PAMR1: variants seen among roughly 807,000 people sequenced by gnomAD.
The protein encoded by PAMR1 is peptidase domain containing associated with muscle regeneration 1.
A neutral mutation model predicts 81.8 loss-of-function variants in PAMR1; 88 were observed. The observed-to-expected ratio is 1.08, with a 90% CI of 0.91 to 1.28. PAMR1 has a LOEUF of 1.28. Ranked by LOEUF, PAMR1 falls within the 50% of genes most tolerant of loss-of-function variation. The pLI is 0.00. For missense variants in PAMR1, 935 were observed against 919.7 expected (o/e 1.02, Z -0.21); for synonymous variants, 336 against 345.3 (o/e 0.97, Z 0.30).
intron 3 of PAMR1, among the ~76,000 whole-genome samples, chr11:35,490,373 C>T (rs1850597329): frequency 6.6e-6 from 1 of 152,216 alleles, no homozygotes; most frequent in African/African-American, 2.4e-5. Context: ...AGAGAAAGAG[C>T]ACTCTTCCAT....
At chr11:35,504,518 T>C (rs1228728162) in intron 1 of PAMR1, among the ~76,000 whole-genome samples, 1 of 152,116 alleles carries the variant, frequency 6.6e-6, no homozygotes, top group African/African-American at 2.4e-5. Flanking sequence ...CCTGGGCTTT[T>C]CTTTGATGGG....
intron 1 of PAMR1, among the ~76,000 whole-genome samples, chr11:35,504,359 G>A (rs757279023): frequency 8.6e-5 from 13 of 151,938 alleles, no homozygotes; most frequent in Admixed American, 2.0e-4. Context: ...TTCTATCCTC[G>A]TCTGGTTTTG....
intron 1 of PAMR1, among the ~76,000 whole-genome samples, chr11:35,508,912 T>C (rs1229633204): frequency 1.3e-5 from 2 of 152,214 alleles, no homozygotes; most frequent in Non-Finnish European, 2.9e-5. Flanking sequence ...TATTCCATTG[T>C]GTATATGTAC....
At chr11:35,492,335 A>T (rs528397886) in intron 2 of PAMR1, among the ~76,000 whole-genome samples, 162 bp from the exon 3 acceptor site, 2 of 152,330 alleles carry the variant, frequency 1.3e-5, no homozygotes, top group East Asian at 3.9e-4. Context: ...CATCTCAAGG[A>T]AACTGCTAGA....
At chr11:35,459,874 T>A (rs576976181) in intron 6 of PAMR1, among the ~76,000 whole-genome samples, 7 of 152,322 alleles carry the variant, frequency 4.6e-5, no homozygotes, top group Non-Finnish European at 8.8e-5. Flanking sequence ...ATTTCCCCAG[T>A]GCCTGGTACC....
chr11:35,474,351 CTG>C (rs1332494203), intron 4 of PAMR1, among the ~76,000 whole-genome samples: 1 of 152,226 alleles, frequency 6.6e-6, no homozygotes, highest in South Asian at 2.1e-4. Flanking sequence ...GTAGGAAACA[CTG>C]TTTAAGATTT....
intron 1 of PAMR1, among the ~76,000 whole-genome samples, chr11:35,524,645 C>G (rs377735102): frequency 6.9e-4 from 105 of 152,284 alleles, no homozygotes; most frequent in African/African-American, 2.5e-3. Context: ...TCTCGGCCTG[C>G]CCTCATCTCA....
At chr11:35,498,751 T>C (rs1304844950) in intron 1 of PAMR1, among the ~76,000 whole-genome samples, 1 of 152,174 alleles carries the variant, frequency 6.6e-6, no homozygotes, top group Non-Finnish European at 1.5e-5. Context: ...CACCAAGCTC[T>C]GGCCCACCTT....
chr11:35,462,443 T>G (rs1183352322), intron 6 of PAMR1, among the ~76,000 whole-genome samples: 1 of 152,172 alleles, frequency 6.6e-6, no homozygotes, highest in Non-Finnish European at 1.5e-5. Flanking sequence ...GTGGCAATAT[T>G]TAGTGTTTAG....
At chr11:35,434,937 C>G in intron 9 of PAMR1, 133 bp from the exon 10 acceptor site, 1 of 793,552 alleles carries the variant, frequency 1.3e-6, no homozygotes, top group African/African-American at 1.7e-5. Flanking sequence ...GATAAGTAAC[C>G]CAGTTTTCTT....
At chr11:35,525,725 C>T (rs902522592), upstream of PAMR1, 2 of 690,930 alleles carry the variant, frequency 2.9e-6, no homozygotes, top group Admixed American at 4.4e-5. Flanking sequence ...CAGGCTCTCC[C>T]ATCCTCATCT....
chr11:35,494,934 T>C (rs1330986526), intron 1 of PAMR1, among the ~76,000 whole-genome samples: 1 of 152,250 alleles, frequency 6.6e-6, no homozygotes. Flanking sequence ...AGCACACATC[T>C]CTTAGGTGTC....
intron 6 of PAMR1, among the ~76,000 whole-genome samples, chr11:35,462,187 A>G (rs567029108): frequency 3.8e-4 from 58 of 152,362 alleles, no homozygotes; most frequent in Non-Finnish European, 6.8e-4. Context: ...GAGGCTGGCC[A>G]GATAACATGA....
intron 1 of PAMR1, among the ~76,000 whole-genome samples, chr11:35,517,767 A>C (rs796880425): frequency 7.2e-5 from 11 of 152,360 alleles, no homozygotes; most frequent in African/African-American, 2.6e-4. Flanking sequence ...AGTAGATTGC[A>C]AGTGCCTTCA....
chr11:35,460,801 T>C (rs1261063768), intron 6 of PAMR1, among the ~76,000 whole-genome samples: 2 of 152,182 alleles, frequency 1.3e-5, no homozygotes, highest in Non-Finnish European at 2.9e-5. Context: ...GTGTGCATCT[T>C]TATAGCAGCA....
intron 1 of PAMR1, among the ~76,000 whole-genome samples, chr11:35,510,045 C>A (rs987484935): frequency 6.6e-6 from 1 of 152,220 alleles, no homozygotes; most frequent in African/African-American, 2.4e-5. Context: ...CAAAATCAAG[C>A]TTAGGGAGTT....
At chr11:35,514,214 A>G (rs551552249) in intron 1 of PAMR1, among the ~76,000 whole-genome samples, 2 of 152,354 alleles carry the variant, frequency 1.3e-5, no homozygotes, top group African/African-American at 4.8e-5. Context: ...CAATGAGCAT[A>G]AAGGGTTTTT....
chr11:35,438,902 G>T (rs1856105742), intron 8 of PAMR1, among the ~76,000 whole-genome samples: 1 of 152,192 alleles, frequency 6.6e-6, no homozygotes, highest in African/African-American at 2.4e-5. Context: ...ACTGAGCAGA[G>T]AACTGAAGGA....
At chr11:35,444,361 C>T (rs1446981566) in intron 6 of PAMR1, among the ~76,000 whole-genome samples, 6 of 152,124 alleles carry the variant, frequency 3.9e-5, no homozygotes, top group Admixed American at 2.0e-4. Context: ...AGATCCAGTT[C>T]GTCAATTTTT....
Sources: allele counts gnomAD v4.1 joint callset (sites outside exome capture counted in the v4.1 genomes callset), GRCh38; gene constraint gnomAD v4.1.1; transcripts MANE v1.5; gene names NCBI Gene and HGNC (gene_info 2026-07-23, HGNC 2026-07-21).